The following AASDH variants were observed in gnomAD, a reference collection of about 807,000 sequenced individuals.
AASDH encodes beta-alanine-activating enzyme.
AASDH carries 81 observed loss-of-function variants against 102.3 expected under a neutral mutation model. The observed-to-expected ratio is 0.79, with a 90% confidence interval of 0.66 to 0.95. AASDH has a LOEUF of 0.95. Among genes scored for constraint, AASDH ranks in the 40% least tolerant of loss-of-function variants. The pLI, the probability that AASDH is intolerant of heterozygous loss-of-function variation, is 0.00. For synonymous variants in AASDH, 398 were observed against 454.0 expected (o/e 0.88, Z 1.57); for missense variants, 1,203 against 1,266.2 (o/e 0.95, Z 0.76).
chr4:56,368,622 A>C (rs1373707246), intron 5 of AASDH, among the ~76,000 whole-genome samples: 1 of 151,102 alleles, frequency 6.6e-6, no homozygotes, highest in Non-Finnish European at 1.5e-5. Flanking sequence ...TGCAAGGACA[A>C]AAAACCAAAC....
At chr4:56,362,662 A>C (rs1334726118) in intron 5 of AASDH, among the ~76,000 whole-genome samples, 1 of 152,218 alleles carries the variant, frequency 6.6e-6, no homozygotes, top group Non-Finnish European at 1.5e-5. Context: ...TAGTAAATAA[A>C]AAAGTGTATA....
chr4:56,374,839 T>C (rs1159252652), intron 4 of AASDH, among the ~76,000 whole-genome samples: 2 of 152,136 alleles, frequency 1.3e-5, no homozygotes, highest in Admixed American at 6.6e-5. Context: ...TGGAGAAAAC[T>C]GAAGTTCATG....
rs1293204552 is a variant in AASDH, at chr4:56,341,592, G to A, written c.2907+1243C>T. Reference sequence around the variant, plus strand: ...TTTTTTTTTGTATTTTAGTAGAGACGGGGTTTCACCATGTTGGCCAGGATG... The same window carrying A: ...TTTTTTTTTGTATTTTAGTAGAGACAGGGTTTCACCATGTTGGCCAGGATG... On this transcript the variant is annotated intron_variant, in intron 14 of 14. Transcript: ENST00000205214. Among the ~76,000 whole-genome samples, 15 of 146,092 alleles carry A rather than the reference G, an allele frequency of 1.0e-4. No individual in the cohort carries two copies. The South Asian group carries it at 2.0e-3, about 19-fold the overall frequency.
intron 11 of AASDH, 22 bp downstream of exon 11, chr4:56,349,241 A>G (rs1478902495): frequency 1.2e-6 from 2 of 1,608,606 alleles, no homozygotes; most frequent in Middle Eastern, 1.7e-4. Flanking sequence ...TAACTCCACA[A>G]ACCTCAAATT....
At chr4:56,384,655 T>C (rs781244466) in intron 1 of AASDH, among the ~76,000 whole-genome samples, 7 of 151,680 alleles carry the variant, frequency 4.6e-5, no homozygotes, top group Non-Finnish European at 1.0e-4. Flanking sequence ...ATATGAAATA[T>C]ATAAAAAATT....
At chr4:56,364,242 T>C (rs143489509) in intron 5 of AASDH, among the ~76,000 whole-genome samples, 18 of 152,150 alleles carry the variant, frequency 1.2e-4, no homozygotes, top group Non-Finnish European at 2.2e-4. Flanking sequence ...CTACGTCTGA[T>C]TGGTGTACCT....
Position 56,349,731 on chromosome 4 carries a change from CATT to C in AASDH, c.2017_2019del (p.Asn673del). The C allele has an allele frequency of 1.2e-6, 2 of 1,614,166 alleles. No individual in the cohort carries two copies. Among genetic ancestry groups the C allele is most frequent in the African/African-American group, 2.7e-5 (2 of 75,032 alleles). On this transcript the variant is annotated inframe_deletion, in exon 11 of 15. Coordinates refer to ENST00000205214, the MANE Select transcript of AASDH (RefSeq NM_181806.4). ...CTCAGTACAACAAAAGCATTAATCTCATTGTGGCAAGTGAAAGTCATGATGGCT... is the reference window on the plus strand; with the variant it reads ...CTCAGTACAACAAAAGCATTAATCTCGTGGCAAGTGAAAGTCATGATGGCT...
intron 5 of AASDH, among the ~76,000 whole-genome samples, chr4:56,365,416 A>C (rs1476877116): frequency 1.3e-5 from 2 of 152,154 alleles, no homozygotes; most frequent in East Asian, 3.8e-4. Flanking sequence ...CAGAATATAC[A>C]TTCTTCTCAG....
At chr4:56,359,300 G>A (rs977258298) in intron 5 of AASDH, among the ~76,000 whole-genome samples, 12 of 151,132 alleles carry the variant, frequency 7.9e-5, no homozygotes, top group South Asian at 4.2e-4. Flanking sequence ...GTGCAGTGGC[G>A]CAATCTCGGC....
chr4:56,365,247 T>C (rs916686514), intron 5 of AASDH, among the ~76,000 whole-genome samples: 1 of 152,078 alleles, frequency 6.6e-6, no homozygotes, highest in Non-Finnish European at 1.5e-5. Flanking sequence ...CAAAGAGACT[T>C]AGACTCCCAC....
Position 56,349,614 on chromosome 4 carries a change from G to A in AASDH, c.2137C>T (p.Gln713Ter). Residue 713 changes from glutamine (Q) to a stop codon, truncating the protein, a stop_gained, in exon 11 of 15, where the codon CAG becomes TAG. Coordinates refer to ENST00000205214, the MANE Select transcript of AASDH (RefSeq NM_181806.4). LOFTEE classifies it high-confidence loss of function. ...SSACPSDSVS[Q>*]TNIQNLKGLN... ...CCTTTCAAATTTTGAATGTTGGTCT[G>A]TGAAACTGAGTCAGAAGGACAGGCT... 6.2e-7 allele frequency: 1 copy of A among 1,614,198 alleles called. No individual in the cohort carries two copies. The highest frequency in any genetic ancestry group is 8.5e-7 in the Non-Finnish European group (1 of 1,180,032).
chr4:56,386,545 G>A lies in AASDH; in HGVS notation c.-43+817C>T, dbSNP rs1391861708. ...GCGGTGGCTCACGCCTGTAATCCCA[G>A]CACTTTGGGAGGCCGAGGCGGGTGG... On this transcript the variant is annotated intron_variant, in intron 1 of 14. Coordinates refer to ENST00000205214, the MANE Select transcript of AASDH (RefSeq NM_181806.4). Among the ~76,000 whole-genome samples the A allele has an allele frequency of 3.9e-5, 6 of 152,026 alleles. No individual in the cohort carries two copies. In the East Asian group the frequency reaches 9.6e-4, roughly 24 times the overall value.
At chr4:56,348,948 T>G in intron 11 of AASDH, 1 of 358,270 alleles carries the variant, frequency 2.8e-6, no homozygotes, top group Non-Finnish European at 5.0e-6. Flanking sequence ...TCTAGGTTGT[T>G]GAGTTTTGGG....
intron 8 of AASDH, 22 bp downstream of exon 8, chr4:56,354,017 T>C: frequency 6.3e-7 from 1 of 1,582,190 alleles, no homozygotes; most frequent in Non-Finnish European, 8.6e-7. Context: ...TTAATAGATA[T>C]TCAATATTTA....
At position 56,353,465 on chromosome 4, in the gene AASDH, A is replaced by G. The variant is rs1749228655; in HGVS notation, c.1515T>C (p.Leu505=). 1.2e-6 allele frequency: 2 copies of G among 1,613,818 alleles called. No individual in the cohort carries two copies. Among genetic ancestry groups the G allele is most frequent in the South Asian group, 2.2e-5 (2 of 91,070 alleles). ...GCTCATCCGGGACTGCATGACTTGG[A>G]AGATATTTCTGCAGTTCTTTAAAGA... ...EYIFKELQKY[L]PSHAVPDELV... The change falls in exon 9 of 15, where the codon CTT becomes CTC. Residue 505 remains leucine (L), a synonymous_variant. Transcript: ENST00000205214.
chr4:56,387,274 A>C (rs1425372444), intron 1 of AASDH, 88 bp downstream of exon 1: 1 of 152,342 alleles, frequency 6.6e-6, no homozygotes, highest in African/African-American at 2.4e-5. Flanking sequence ...AAGCTGAGCA[A>C]ATGTATGTGG....
Position 56,349,386 on chromosome 4 carries a change from A to C in AASDH, c.2365T>G (p.Ser789Ala), listed in dbSNP as rs1748702549. The C allele has an allele frequency of 6.2e-7, 1 of 1,614,048 alleles. No homozygotes were observed. The highest frequency in any genetic ancestry group is 1.1e-5 in the South Asian group (1 of 91,082). The change falls in exon 11 of 15, where the codon TCC becomes GCC. Residue 789 changes from serine to alanine, a missense_variant. Ser to Ala is a moderately conservative substitution (Grantham distance 99). Coordinates refer to ENST00000205214, the MANE Select transcript of AASDH (RefSeq NM_181806.4). ...ACTGCCTTCATTCTATGAGAATGGG[A>C]ACCAATGTACACAGTTGTAGATGAC... ...DKSSTTVYIG[S>A]HSHRMKAVDF...
At chr4:56,364,078 C>T (rs549468259) in intron 5 of AASDH, among the ~76,000 whole-genome samples, 1 of 152,220 alleles carries the variant, frequency 6.6e-6, no homozygotes, top group Admixed American at 6.5e-5. Flanking sequence ...AATGCACAAG[C>T]CTCAGTAGCC....
rs78779038 is a variant in AASDH, at chr4:56,345,884, C to G, written c.2489-594G>C. ...CACAGTGAAGTAAGTACTATTATAA[C>G]CACATTTTATAGATAACAAAATTGA... is the stretch of plus-strand genomic sequence containing the variant. On this transcript the variant is annotated intron_variant, in intron 11 of 14. Transcript: ENST00000205214. Among the ~76,000 whole-genome samples, 974 of 152,292 alleles carry G rather than the reference C, an allele frequency of 6.4e-3. 9 individuals are homozygous for G. Among genetic ancestry groups the G allele is most frequent in the African/African-American group, 0.022 (925 of 41,562 alleles).
Sources: gnomAD v4.1 joint callset for allele counts (sites outside exome capture counted in the v4.1 genomes callset) on GRCh38, gnomAD v4.1.1 for gene constraint, MANE v1.5 for transcripts, NCBI Gene and HGNC (gene_info 2026-07-23, HGNC 2026-07-21) for gene names.